SORCS2: variants seen among roughly 807,000 people sequenced by gnomAD.
The protein encoded by SORCS2 is VPS10 domain-containing receptor SorCS2.
A neutral mutation model predicts 141.6 loss-of-function variants in SORCS2; 100 were observed. The observed-to-expected ratio is 0.71, with a 90% CI of 0.60 to 0.83. The LOEUF is 0.83. Ranked by LOEUF, SORCS2 falls within the 40% of genes least tolerant of loss-of-function variation. SORCS2 has a pLI of 0.00. For synonymous variants in SORCS2, 789 were observed against 676.9 expected, an observed-to-expected ratio of 1.17 and a Z score of -2.57; for missense variants, 1,646 against 1,560.2, an observed-to-expected ratio of 1.05 and a Z score of -0.93.
chr4:7,501,620 T>A (rs945801431), intron 2 of SORCS2, among the ~76,000 whole-genome samples: 2 of 152,214 alleles, frequency 1.3e-5, no homozygotes, highest in Non-Finnish European at 2.9e-5. Flanking sequence ...CACCCGGTCT[T>A]CCTGTGTACA....
chr4:7,334,423 C>T (rs376328474), intron 1 of SORCS2, among the ~76,000 whole-genome samples: 5 of 152,010 alleles, frequency 3.3e-5, no homozygotes, highest in African/African-American at 9.7e-5. Context: ...AGGGGCTGGT[C>T]CCCCCTCCCA....
chr4:7,693,225 T>C (rs1009206545), intron 11 of SORCS2, among the ~76,000 whole-genome samples: 54 of 152,056 alleles, frequency 3.6e-4, no homozygotes, highest in Non-Finnish European at 8.8e-5. Flanking sequence ...TCATCCTTTC[T>C]TCCTTTCAAT....
chr4:7,717,328 G>A (rs1427786262), intron 17 of SORCS2, among the ~76,000 whole-genome samples: 2 of 152,156 alleles, frequency 1.3e-5, no homozygotes, highest in East Asian at 1.9e-4. Flanking sequence ...CCCAGCCAGC[G>A]CCATCACAGC....
In SORCS2 at chr4:7,396,935, A is replaced by C. The variant is rs78234971; in HGVS notation, c.548+580A>C. ...GATTTGAGAACCCATTTTGGTTATC[A>C]TCCTCCTCAATATTTACATCCACTC... On this transcript the variant is annotated intron_variant, in intron 2 of 26. Coordinates refer to ENST00000507866, the MANE Select transcript of SORCS2 (RefSeq NM_020777.3). Among the ~76,000 whole-genome samples the C allele has an allele frequency of 3.4e-4, 52 of 152,324 alleles. No individual in the cohort carries two copies. The East Asian group carries it at 9.7e-3, about 28-fold the overall frequency.
chr4:7,224,760 C>T (rs1001807683), intron 1 of SORCS2, among the ~76,000 whole-genome samples: 1 of 152,174 alleles, frequency 6.6e-6, no homozygotes, highest in East Asian at 1.9e-4. Context: ...GGGTGGGGAT[C>T]AGGGGCCCCT....
intron 2 of SORCS2, chr4:7,433,785 C>G (rs1727067526): frequency 1.2e-6 from 2 of 1,613,468 alleles, no homozygotes; most frequent in Non-Finnish European, 1.7e-6. Context: ...GGTTGCCACA[C>G]AGACGGATGA....
intron 1 of SORCS2, among the ~76,000 whole-genome samples, chr4:7,387,670 A>G (rs974236935): frequency 2.7e-5 from 4 of 149,000 alleles, no homozygotes; most frequent in African/African-American, 1.0e-4. Context: ...GCACACATGC[A>G]CACACATACA....
intron 1 of SORCS2, among the ~76,000 whole-genome samples, chr4:7,369,204 G>A (rs1007530782): frequency 4.6e-5 from 7 of 152,074 alleles, no homozygotes; most frequent in South Asian, 4.2e-4. Context: ...CCAGCTAGTC[G>A]GGAAGCTGAG....
intron 3 of SORCS2, among the ~76,000 whole-genome samples, chr4:7,624,922 C>T (rs1056616364): frequency 6.6e-6 from 1 of 152,202 alleles, no homozygotes; most frequent in South Asian, 2.1e-4. Context: ...AGGAGGACGG[C>T]GGGGGCTCTC....
At chr4:7,292,528 C>G (rs575369107) in intron 1 of SORCS2, among the ~76,000 whole-genome samples, 43 of 152,202 alleles carry the variant, frequency 2.8e-4, no homozygotes, top group African/African-American at 8.9e-4. Flanking sequence ...ATCAATGTAA[C>G]TTTAGGGTGC....
At chr4:7,459,990 A>G in intron 2 of SORCS2, 1 of 154,972 alleles carries the variant, frequency 6.5e-6, no homozygotes. Flanking sequence ...CCACCCCTGC[A>G]GAGCCCAGTG....
At chr4:7,390,475 G>A (rs904623481) in intron 1 of SORCS2, among the ~76,000 whole-genome samples, 10 of 152,208 alleles carry the variant, frequency 6.6e-5, no homozygotes, top group Non-Finnish European at 1.2e-4. Flanking sequence ...TGGTAAAGAC[G>A]AAGCTTGGGG....
chr4:7,625,751 G>C (rs899592308), intron 3 of SORCS2, among the ~76,000 whole-genome samples: 1 of 151,998 alleles, frequency 6.6e-6, no homozygotes, highest in African/African-American at 2.4e-5. Context: ...GGGAGGAAGA[G>C]AAGGAGGGAG....
At chr4:7,420,676 A>AGCCCCGT (rs1725981429) in intron 2 of SORCS2, among the ~76,000 whole-genome samples, 1 of 152,032 alleles carries the variant, frequency 6.6e-6, no homozygotes, top group Admixed American at 6.6e-5. Context: ...GCCTCCCCTG[A>AGCCCCGT]GCCCCGTGCC....
At chr4:7,724,631 T>TGGTGATGGTGGA (rs1465285353) in intron 19 of SORCS2, among the ~76,000 whole-genome samples, 11 of 145,270 alleles carry the variant, frequency 7.6e-5, no homozygotes, top group Non-Finnish European at 4.5e-5. Flanking sequence ...ATGGTGATGG[T>TGGTGATGGTGGA]GGTGATGGTG....
In SORCS2 at chr4:7,233,978, G is replaced by A. The variant is rs142981272; in HGVS notation, c.480+40852G>A. ...GATGGAAAGGGGGTGGGGGAGGACC[G>A]TATCCCCGAGCCTCTCCAGGGAGCC... On this transcript the variant is annotated intron_variant, in intron 1 of 26. Transcript: ENST00000507866. The surrounding 1 kb of genome is among the most constrained non-coding windows in gnomAD (Gnocchi z 4.5). Among the ~76,000 whole-genome samples, 240 of 152,278 alleles carry A rather than the reference G, an allele frequency of 1.6e-3. 1 individual carries two copies. The highest frequency in any genetic ancestry group is 5.3e-3 in the African/African-American group (220 of 41,544).
At chr4:7,409,997 G>A (rs146766494) in intron 2 of SORCS2, among the ~76,000 whole-genome samples, 260 of 152,336 alleles carry the variant, frequency 1.7e-3, no homozygotes, top group Non-Finnish European at 2.2e-3. Context: ...AAGCCCAACA[G>A]CAATGCAGCG....
chr4:7,243,266 G>T (rs1475548236), intron 1 of SORCS2, among the ~76,000 whole-genome samples: 4 of 152,170 alleles, frequency 2.6e-5, no homozygotes. Flanking sequence ...TTTGGATTTT[G>T]GGCAAAGAAG....
chr4:7,329,644 C>T (rs1016687281), intron 1 of SORCS2, among the ~76,000 whole-genome samples: 1 of 152,210 alleles, frequency 6.6e-6, no homozygotes, highest in South Asian at 2.1e-4. Context: ...AGTTTCCCAC[C>T]GCTGCTGTAA....
Sources: gnomAD v4.1 joint callset for allele counts (sites outside exome capture counted in the v4.1 genomes callset) on GRCh38, gnomAD v4.1.1 for gene constraint, Gnocchi (gnomAD v3.1) non-coding constraint, MANE v1.5 for transcripts, NCBI Gene and HGNC (gene_info 2026-07-23, HGNC 2026-07-21) for gene names.